ANKRD36: variants seen among roughly 807,000 people sequenced by gnomAD.
ANKRD36 encodes ankyrin repeat domain 36, also known as ankyrin repeat domain-containing protein 36A.
Under a neutral mutation model 278.1 loss-of-function variants are expected in ANKRD36, and 179 were observed. That is an observed-to-expected ratio of 0.64 (90% CI 0.57 to 0.73). ANKRD36 has a LOEUF of 0.73. ANKRD36 is among the 30% of genes least tolerant of loss of function. The pLI is 0.00. For synonymous variants in ANKRD36, 320 were observed against 641.1 expected (o/e 0.50, Z 7.57); for missense variants, 1,159 against 1,956.7 (o/e 0.59, Z 7.69).
intron 8 of ANKRD36, among the ~76,000 whole-genome samples, chr2:97,143,096 C>T: frequency 6.6e-6 from 1 of 151,706 alleles, no homozygotes; most frequent in East Asian, 1.9e-4. Flanking sequence ...GGCAAAGGGA[C>T]AGCATATTCT....
rs548643038 is a variant in ANKRD36 at position 97,177,825 on chromosome 2, A to G, written c.1634-1913A>G. On this transcript the variant is annotated intron_variant, in intron 22 of 75. Transcript: ENST00000420699. ...TGGCAACAAAAGACAAAATTGACAG[A>G]TGGGATCTAATTAAACTAAAGAGCT... Among the ~76,000 whole-genome samples the G allele has an allele frequency of 3.3e-5, 5 of 152,108 alleles. No homozygotes were observed. In the East Asian group the frequency reaches 9.7e-4, roughly 29 times the overall value.
rs1308864410 is a variant in ANKRD36, at chr2:97,155,670, T to TA, written c.1260+937dup. On this transcript the variant is annotated intron_variant, in intron 15 of 75. Transcript: ENST00000420699. Reference sequence around the variant, plus strand: ...TTTCTCATGGTTTCTGCGTTGTAATTAAAAAAAATCCACTCAGGGTCTTTG... The same window carrying TA: ...TTTCTCATGGTTTCTGCGTTGTAATTAAAAAAAAATCCACTCAGGGTCTTTG... Among the ~76,000 whole-genome samples the TA allele has an allele frequency of 3.9e-4, 57 of 146,082 alleles. 6 individuals are homozygous for TA. Among genetic ancestry groups the TA allele is most frequent in the South Asian group, 3.2e-3 (15 of 4,706 alleles).
In ANKRD36 at chr2:97,113,158, A is replaced by G. The variant is rs545580070; in HGVS notation, c.-582A>G. 5.9e-3 allele frequency among the ~76,000 whole-genome samples: 900 copies of G among 152,110 alleles called. 5 individuals carry two copies. Among genetic ancestry groups the G allele is most frequent in the Middle Eastern group, 0.017 (5 of 292 alleles). On this transcript the variant is annotated 5_prime_UTR_variant, in exon 1 of 76. Coordinates refer to ENST00000420699, the MANE Select transcript of ANKRD36 (RefSeq NM_001354587.1). ...CGGGAGCCCCGCCAGCCCCCGCCGG[A>G]GCCCGAGCTGCAGTGCCGCCTACAA...
rs75393621 is a variant in ANKRD36, at chr2:97,171,703, A to T, written c.1633+3936A>T. ...GTACCCTAAAACTTAAAGTATAATT[A>T]AAAAAAAAAAGTGTTCTGTAAAAAA... On this transcript the variant is annotated intron_variant, in intron 22 of 75. Transcript: ENST00000420699. 1.4e-3 allele frequency among the ~76,000 whole-genome samples: 203 copies of T among 145,888 alleles called. 6 individuals carry two copies. The highest frequency in any genetic ancestry group is 3.5e-3 in the Middle Eastern group (1 of 284).
Position 97,113,664 on chromosome 2 carries a change from TG to T in ANKRD36, c.-75del. The stretch of plus-strand genomic sequence containing the variant: ...TCCGTGGACAGACTGCTTTGCTCGT[TG>T]TTGCTCTTCGGAGGCGGCGATCCCC... On this transcript the variant is annotated 5_prime_UTR_variant, in exon 1 of 76. Coordinates refer to ENST00000420699, the MANE Select transcript of ANKRD36 (RefSeq NM_001354587.1). 1 of 1,593,366 alleles carries T rather than the reference TG, an allele frequency of 6.3e-7. No homozygotes were observed. Among genetic ancestry groups the T allele is most frequent in the Non-Finnish European group, 8.6e-7 (1 of 1,167,162 alleles).
chr2:97,128,949 A>G (rs951990243), intron 6 of ANKRD36, among the ~76,000 whole-genome samples: 1 of 152,066 alleles, frequency 6.6e-6, no homozygotes, highest in African/African-American at 2.4e-5. Context: ...ATGTGTCTTT[A>G]TAGCAGCATG....
chr2:97,226,802 A>G (rs1342990201), intron 67 of ANKRD36, among the ~76,000 whole-genome samples: 1 of 151,372 alleles, frequency 6.6e-6, no homozygotes, highest in Non-Finnish European at 1.5e-5. Context: ...TAATTTTTGT[A>G]TAAGGTGTAA....
intron 6 of ANKRD36, among the ~76,000 whole-genome samples, chr2:97,130,922 C>G (rs2039976927): frequency 1.3e-5 from 2 of 152,148 alleles, no homozygotes; most frequent in African/African-American, 4.8e-5. Context: ...TGCTAAACTT[C>G]TTTATATCTT....
intron 22 of ANKRD36, among the ~76,000 whole-genome samples, chr2:97,179,411 T>G (rs1213752617): frequency 6.6e-6 from 1 of 151,652 alleles, no homozygotes; most frequent in Non-Finnish European, 1.5e-5. Flanking sequence ...GAGTATGAGT[T>G]GGACTCTGAT....
chr2:97,228,206 G>A (rs1199711208), intron 67 of ANKRD36, among the ~76,000 whole-genome samples: 2 of 152,108 alleles, frequency 1.3e-5, no homozygotes, highest in Admixed American at 1.3e-4. Flanking sequence ...GTTTCAGAAG[G>A]AAGGGTACCA....
chr2:97,140,423 A>G (rs1414862792), intron 6 of ANKRD36, among the ~76,000 whole-genome samples: 1 of 152,030 alleles, frequency 6.6e-6, no homozygotes, highest in African/African-American at 2.4e-5. Context: ...CGTATGTGAA[A>G]GTGTTCATAT....
At chr2:97,139,204 T>C (rs2042253369) in intron 6 of ANKRD36, among the ~76,000 whole-genome samples, 1 of 151,938 alleles carries the variant, frequency 6.6e-6, no homozygotes, top group African/African-American at 2.4e-5. Context: ...AGACATAGCC[T>C]TTAAGACAGT....
In ANKRD36 at chr2:97,122,975, C is replaced by T; in HGVS notation, c.575C>T (p.Ala192Val). The change falls in exon 4 of 76, where the codon GCC becomes GTC. Residue 192 changes from alanine to valine, a missense_variant. Transcript: ENST00000420699. Reference sequence around the variant, plus strand: ...TTAAAGAAAAAAGCAAATGTAAATGCCATTGATTATCTTGGCAGGTACAGA... The same window carrying T: ...TTAAAGAAAAAAGCAAATGTAAATGTCATTGATTATCTTGGCAGGTACAGA... ...FLLKKKANVN[A>V]IDYLGRSALI... The T allele has an allele frequency of 6.5e-7, 1 of 1,541,616 alleles. No individual in the cohort carries two copies. The highest frequency in any genetic ancestry group is 8.8e-7 in the Non-Finnish European group (1 of 1,141,006).
At chr2:97,169,072 C>T (rs919954094) in intron 22 of ANKRD36, among the ~76,000 whole-genome samples, 1 of 152,308 alleles carries the variant, frequency 6.6e-6, no homozygotes, top group Non-Finnish European at 1.5e-5. Context: ...ACACTCCCAC[C>T]AACAATATAA....
At chr2:97,192,532 T>C (rs531286171) in intron 36 of ANKRD36, among the ~76,000 whole-genome samples, 2 of 151,760 alleles carry the variant, frequency 1.3e-5, no homozygotes, top group Non-Finnish European at 2.9e-5. Context: ...CATTCTCAGG[T>C]GTATGAGTTT....
intron 44 of ANKRD36, among the ~76,000 whole-genome samples, chr2:97,199,909 A>T (rs2060851665): frequency 6.6e-6 from 1 of 152,038 alleles, no homozygotes; most frequent in South Asian, 2.1e-4. Context: ...GTTAAAGAGC[A>T]TGATGAATGT....
intron 58 of ANKRD36, among the ~76,000 whole-genome samples, chr2:97,211,990 T>C (rs1211746611): frequency 3.3e-5 from 5 of 151,864 alleles, no homozygotes; most frequent in African/African-American, 1.2e-4. Context: ...ATTCAACACA[T>C]AACAGGCTCA....
chr2:97,233,011 A>T (rs1277759780), intron 67 of ANKRD36, among the ~76,000 whole-genome samples: 479 of 2,960 alleles, frequency 0.16, 2 homozygotes, highest in African/African-American at 0.43. Context: ...ATGTGATTTA[A>T]AAAAAAAAAA....
intron 6 of ANKRD36, among the ~76,000 whole-genome samples, chr2:97,128,715 G>GA (rs2039276048): frequency 6.6e-6 from 1 of 151,878 alleles, no homozygotes; most frequent in African/African-American, 2.4e-5. Context: ...TAATGTGTGA[G>GA]AAAAACTGTG....
Sources: gnomAD v4.1 joint callset for allele counts (sites outside exome capture counted in the v4.1 genomes callset) on GRCh38, gnomAD v4.1.1 for gene constraint, MANE v1.5 for transcripts, NCBI Gene and HGNC (gene_info 2026-07-23, HGNC 2026-07-21) for gene names.